The following AOPEP variants were observed in gnomAD, a reference collection of about 807,000 sequenced individuals.
AOPEP encodes the protein aminopeptidase O.
Under a neutral mutation model 98.1 loss-of-function variants are expected in AOPEP, and 77 were observed. That is an observed-to-expected ratio of 0.78 (90% CI 0.65 to 0.95). AOPEP has a LOEUF of 0.95. Among genes scored for constraint, AOPEP ranks in the 40% least tolerant of loss-of-function variants. The pLI, the probability that AOPEP is intolerant of heterozygous loss-of-function variation, is 0.00. For synonymous variants in AOPEP, 346 were observed against 365.3 expected, an observed-to-expected ratio of 0.95 and a Z score of 0.60; for missense variants, 1,024 against 1,024.7, an observed-to-expected ratio of 1.00 and a Z score of 0.01.
chr9:94,985,372 A>G (rs554451253), intron 11 of AOPEP, among the ~76,000 whole-genome samples: 94 of 152,348 alleles, frequency 6.2e-4, no homozygotes, highest in African/African-American at 2.1e-3. Context: ...AAATGCTGCA[A>G]TCACAGAATT....
chr9:94,871,391 C>T (rs1343794342), intron 5 of AOPEP, among the ~76,000 whole-genome samples: 2 of 152,206 alleles, frequency 1.3e-5, no homozygotes, highest in Admixed American at 6.5e-5. Context: ...TACCACCCTG[C>T]GTAATGGTGG....
intron 13 of AOPEP, among the ~76,000 whole-genome samples, chr9:95,049,363 T>C (rs951077028): frequency 1.3e-5 from 2 of 152,246 alleles, no homozygotes; most frequent in African/African-American, 4.8e-5. Flanking sequence ...AAAGTTTTTC[T>C]TTTTCAGCTT....
chr9:94,916,614 G>C (rs1019238331), intron 5 of AOPEP, among the ~76,000 whole-genome samples: 2 of 151,324 alleles, frequency 1.3e-5, no homozygotes, highest in African/African-American at 4.9e-5. Context: ...TGAGACCAGA[G>C]AATTGCTTGA....
intron 11 of AOPEP, chr9:95,004,942 G>GCCCGCGCCGCCGCCCGGGC (rs2061848442): frequency 6.9e-6 from 1 of 144,540 alleles, no homozygotes; most frequent in Non-Finnish European, 1.5e-5. Context: ...CCGCCCGCCC[G>GCCCGCGCCGCCGCCCGGGC]CCCGCGCCGC....
At position 94,972,384 on chromosome 9, in the gene AOPEP, A is replaced by G. The variant is rs1266390103; in HGVS notation, c.1916+4583A>G. 6.6e-6 allele frequency among the ~76,000 whole-genome samples: 1 copy of G among 152,150 alleles called. No individual in the cohort carries two copies. Among genetic ancestry groups the G allele is most frequent in the East Asian group, 1.9e-4 (1 of 5,180 alleles). ...AAGGGCTCAGAAGAAAACCCAGACA[A>G]TCCTGAGCAGCAGTCTCTCCTGGTG... On this transcript the variant is annotated intron_variant, in intron 10 of 16. Coordinates refer to ENST00000375315, the MANE Select transcript of AOPEP (RefSeq NM_001193329.3). This position sits in a 1 kb window ranked among gnomAD's most constrained non-coding sequence, Gnocchi z 4.2.
intron 13 of AOPEP, among the ~76,000 whole-genome samples, chr9:95,015,822 A>G (rs1362914066): frequency 6.6e-6 from 1 of 150,652 alleles, no homozygotes. Flanking sequence ...TTGTATTCTC[A>G]AAATCCAGAT....
At chr9:95,054,921 C>T (rs1227958104) in intron 13 of AOPEP, among the ~76,000 whole-genome samples, 1 of 152,056 alleles carries the variant, frequency 6.6e-6, no homozygotes, top group African/African-American at 2.4e-5. Flanking sequence ...TATTTGGTGG[C>T]TTCCTTTGCT....
At chr9:94,734,272 C>T (rs1831240398) in intron 1 of AOPEP, among the ~76,000 whole-genome samples, 1 of 152,086 alleles carries the variant, frequency 6.6e-6, no homozygotes, top group South Asian at 2.1e-4. Flanking sequence ...AACAGAGGGA[C>T]CTCTTGCCCT....
intron 5 of AOPEP, among the ~76,000 whole-genome samples, chr9:94,895,634 G>C (rs547345099): frequency 1.3e-5 from 2 of 151,844 alleles, no homozygotes. Context: ...TGTCACCCAG[G>C]TTGGAGTGCA....
chr9:94,774,330 A>G (rs1564109417), intron 3 of AOPEP, among the ~76,000 whole-genome samples: 1 of 150,900 alleles, frequency 6.6e-6, no homozygotes, highest in Non-Finnish European at 1.5e-5. Context: ...AAAAAAAAAA[A>G]AAAGGGCATC....
In AOPEP at chr9:94,955,262, C is replaced by T; in HGVS notation, c.1747C>T (p.Gln583Ter). 1.2e-6 allele frequency: 2 copies of T among 1,611,658 alleles called. No homozygotes were observed. Among genetic ancestry groups the T allele is most frequent in the Non-Finnish European group, 1.7e-6 (2 of 1,178,458 alleles). Reference protein sequence around the residue: ...HGLNPEKIFMQVHYLKGYFLL... With the variant: ...HGLNPEKIFM ...ACTTAATCCGGAGAAGATCTTCATG[C>T]AGGTGCATTATTTAAAGGTAAGCAC... The change falls in exon 8 of 17, where the codon CAG (glutamine) becomes TAG (stop). Residue 583 changes from glutamine (Q) to a stop codon, truncating the protein, a stop_gained. Transcript: ENST00000375315. LOFTEE classifies it high-confidence loss of function.
At chr9:95,046,340 G>C (rs1380666037) in intron 13 of AOPEP, among the ~76,000 whole-genome samples, 1 of 152,218 alleles carries the variant, frequency 6.6e-6, no homozygotes, top group African/African-American at 2.4e-5. Flanking sequence ...AAATGTTTGT[G>C]TGAGCGATGA....
intron 13 of AOPEP, among the ~76,000 whole-genome samples, chr9:95,007,350 G>A (rs943530997): frequency 2.3e-4 from 34 of 146,620 alleles, no homozygotes; most frequent in African/African-American, 8.5e-4. Flanking sequence ...CCCATGACCT[G>A]ACTACTGGGT....
intron 2 of AOPEP, among the ~76,000 whole-genome samples, chr9:94,766,600 A>G (rs1301915088): frequency 1.3e-5 from 2 of 152,224 alleles, no homozygotes; most frequent in Non-Finnish European, 2.9e-5. Flanking sequence ...CGTTAGAATC[A>G]TTATAATAGT....
At chr9:94,903,242 C>A (rs1183088015) in intron 5 of AOPEP, among the ~76,000 whole-genome samples, 2 of 151,888 alleles carry the variant, frequency 1.3e-5, no homozygotes, top group East Asian at 4.0e-4. Context: ...CTCAACCTCC[C>A]AAAGTGCTGG....
At chr9:95,136,985 ACAGTGGGTGCTTCC>A in the AOPEP span, among the ~76,000 whole-genome samples, 2 of 152,080 alleles carry the variant, frequency 1.3e-5, no homozygotes, top group East Asian at 3.9e-4. Context: ...CACATCCCAG[ACAGTGGGTGCTTCC>A]CAGTGGGTGC....
At chr9:95,005,266 G>A in intron 12 of AOPEP, 46 bp downstream of exon 12, 1 of 1,002,784 alleles carries the variant, frequency 1.0e-6, no homozygotes, top group Non-Finnish European at 1.2e-6. Context: ...GCGCCGGCGC[G>A]AGACCGCGGC....
chr9:94,814,526 C>T (rs1463009970), intron 5 of AOPEP, among the ~76,000 whole-genome samples: 1 of 152,198 alleles, frequency 6.6e-6, no homozygotes, highest in East Asian at 1.9e-4. Context: ...ATGTCATCCA[C>T]ATATTGGAGA....
intron 5 of AOPEP, among the ~76,000 whole-genome samples, chr9:94,918,237 G>C (rs144515651): frequency 6.6e-6 from 1 of 152,342 alleles, no homozygotes; most frequent in East Asian, 1.9e-4. Context: ...TTATGAGGAA[G>C]TAGGCATTGC....
Sources: allele counts gnomAD v4.1 joint callset (sites outside exome capture counted in the v4.1 genomes callset), GRCh38; gene constraint gnomAD v4.1.1; non-coding constraint Gnocchi (gnomAD v3.1); transcripts MANE v1.5; gene names NCBI Gene and HGNC (gene_info 2026-07-23, HGNC 2026-07-21).